The following ADAM12 variants were observed in gnomAD, a reference collection of about 807,000 sequenced individuals.
ADAM12 encodes disintegrin and metalloproteinase domain-containing protein 12.
Under a neutral mutation model 106.4 loss-of-function variants are expected in ADAM12, and 70 were observed. The ratio of observed to expected loss-of-function variants is 0.66; its 90% CI spans 0.54 to 0.80. The LOEUF (loss-of-function observed/expected upper bound fraction) is 0.80. Among genes scored for constraint, ADAM12 ranks in the 30% least tolerant of loss-of-function variants. The probability of loss-of-function intolerance (pLI) is 0.00; values close to 1 mark genes in which losing one functional copy is unlikely to be tolerated. For missense variants in ADAM12, 1,010 were observed against 1,171.9 expected (o/e 0.86, Z 2.02); for synonymous variants, 420 against 433.5 (o/e 0.97, Z 0.39).
chr10:126,149,681 G>A (rs56040796), intron 4 of ADAM12, among the ~76,000 whole-genome samples: 20,627 of 152,128 alleles, frequency 0.14, 1,482 homozygotes, highest in Middle Eastern at 0.22. Context: ...CCTTTCTCCC[G>A]TGCTGAATGT....
intron 1 of ADAM12, among the ~76,000 whole-genome samples, chr10:126,351,759 G>A (rs1855368055): frequency 6.6e-6 from 1 of 152,044 alleles, no homozygotes; most frequent in Admixed American, 6.5e-5. Flanking sequence ...GCCTTCAACT[G>A]TGCATTGCTC....
intron 1 of ADAM12, among the ~76,000 whole-genome samples, chr10:126,362,523 C>T (rs187361820): frequency 5.3e-5 from 8 of 151,864 alleles, no homozygotes; most frequent in Admixed American, 2.0e-4. Flanking sequence ...GCAATATTCA[C>T]GATAGTCAAG....
intron 11 of ADAM12, among the ~76,000 whole-genome samples, chr10:126,080,299 A>T (rs1184527798): frequency 1.3e-5 from 2 of 152,202 alleles, no homozygotes; most frequent in African/African-American, 4.8e-5. Flanking sequence ...TTAAAAAGAC[A>T]AGCCTCAGTT....
At chr10:126,114,835 A>T (rs1955950664) in intron 6 of ADAM12, among the ~76,000 whole-genome samples, 1 of 152,200 alleles carries the variant, frequency 6.6e-6, no homozygotes, top group South Asian at 2.1e-4. Context: ...AGAGGCATGG[A>T]AGCAAGGATG....
chr10:126,055,344 A>G (rs1954606307), intron 14 of ADAM12, among the ~76,000 whole-genome samples: 1 of 152,112 alleles, frequency 6.6e-6, no homozygotes, highest in East Asian at 1.9e-4. Flanking sequence ...ATGCCACTCA[A>G]CCCTAGAACA....
intron 13 of ADAM12, among the ~76,000 whole-genome samples, chr10:126,065,857 G>A (rs894098957): frequency 7.9e-5 from 12 of 152,066 alleles, no homozygotes; most frequent in African/African-American, 2.9e-4. Flanking sequence ...CCCTTCCCCC[G>A]ACTCCCTTCC....
intron 1 of ADAM12, among the ~76,000 whole-genome samples, chr10:126,367,996 AAC>A (rs774521421): frequency 1.1e-4 from 17 of 152,090 alleles, no homozygotes; most frequent in Admixed American, 1.3e-4. Context: ...CTCTTATAAA[AAC>A]AGACATAAAA....
chr10:126,147,705 C>T (rs1226652477), intron 4 of ADAM12, among the ~76,000 whole-genome samples: 1 of 152,218 alleles, frequency 6.6e-6, no homozygotes, highest in Non-Finnish European at 1.5e-5. Flanking sequence ...CAGATTAGGG[C>T]CCCGTGGCCT....
At chr10:126,226,916 C>T (rs1958207580) in intron 3 of ADAM12, among the ~76,000 whole-genome samples, 2 of 152,144 alleles carry the variant, frequency 1.3e-5, no homozygotes, top group African/African-American at 4.8e-5. Context: ...TATATACTGG[C>T]CAAGTGAACC....
At chr10:126,042,787 A>C (rs958838664) in intron 18 of ADAM12, among the ~76,000 whole-genome samples, 1 of 152,236 alleles carries the variant, frequency 6.6e-6, no homozygotes, top group African/African-American at 2.4e-5. Context: ...CTTAGTTAAG[A>C]AAAGTGTCGC....
chr10:126,331,673 G>A (rs140554992), intron 1 of ADAM12, among the ~76,000 whole-genome samples: 100 of 152,272 alleles, frequency 6.6e-4, no homozygotes, highest in African/African-American at 2.2e-3. Context: ...CTGAAAGTCC[G>A]AAATACAGCC....
At chr10:126,022,090 G>A (rs1024590176) in intron 21 of ADAM12, among the ~76,000 whole-genome samples, 3 of 152,152 alleles carry the variant, frequency 2.0e-5, no homozygotes, top group African/African-American at 7.2e-5. Context: ...TTGCAATGCT[G>A]GAGAAAAAGT....
At chr10:126,200,730 G>C (rs1957683173) in intron 3 of ADAM12, among the ~76,000 whole-genome samples, 1 of 152,192 alleles carries the variant, frequency 6.6e-6, no homozygotes, top group African/African-American at 2.4e-5. Flanking sequence ...AGCTCTAAAT[G>C]GTTCAGAATG....
At chr10:126,303,431 G>A (rs1960709581) in intron 2 of ADAM12, among the ~76,000 whole-genome samples, 1 of 152,186 alleles carries the variant, frequency 6.6e-6, no homozygotes, top group African/African-American at 2.4e-5. Flanking sequence ...CTATTAGAAA[G>A]AGTAATGTAA....
At chr10:126,323,441 G>A (rs770840021) in intron 2 of ADAM12, among the ~76,000 whole-genome samples, 1 of 152,116 alleles carries the variant, frequency 6.6e-6, no homozygotes, top group Admixed American at 6.5e-5. Context: ...TCAGCTAGAC[G>A]CAGCCTCCAA....
rs1021483327 is a variant in ADAM12, at chr10:126,043,298, G to A, written c.1996-150C>T. The A allele has an allele frequency of 3.9e-5, 28 of 710,356 alleles. No individual in the cohort carries two copies. The highest frequency in any genetic ancestry group is 5.8e-5 in the Non-Finnish European group (25 of 427,452). 44.0% of individuals were successfully genotyped at this position (710,356 alleles called of 1,614,324 possible). On this transcript the variant is annotated intron_variant, in intron 17 of 22. Coordinates refer to ENST00000448723, the MANE Select transcript of ADAM12 (RefSeq NM_001288973.2). This position sits in a 1 kb window ranked among gnomAD's most constrained non-coding sequence, Gnocchi z 4.1. ...CCATGGTGCGAATAAGCCCAAAGCC[G>A]GCACTACACACCACACAGGGGCGAC...
chr10:126,377,739 A>G (rs1398200699), intron 1 of ADAM12, among the ~76,000 whole-genome samples: 5 of 152,240 alleles, frequency 3.3e-5, no homozygotes, highest in African/African-American at 1.2e-4. Context: ...TAAATAGAAC[A>G]GTAGGACAAA....
chr10:126,195,133 A>G (rs1957573297), intron 3 of ADAM12, among the ~76,000 whole-genome samples: 1 of 152,178 alleles, frequency 6.6e-6, no homozygotes, highest in African/African-American at 2.4e-5. Flanking sequence ...GGGTCAAAGG[A>G]CACAAAATTT....
intron 3 of ADAM12, among the ~76,000 whole-genome samples, chr10:126,169,943 G>A (rs1316307279): frequency 6.6e-6 from 1 of 152,224 alleles, no homozygotes; most frequent in East Asian, 1.9e-4. Flanking sequence ...CTTCCGCCTA[G>A]CCCAAAGCAG....
Sources: gnomAD v4.1 joint callset for allele counts (sites outside exome capture counted in the v4.1 genomes callset) on GRCh38, gnomAD v4.1.1 for gene constraint, Gnocchi (gnomAD v3.1) non-coding constraint, MANE v1.5 for transcripts, NCBI Gene and HGNC (gene_info 2026-07-23, HGNC 2026-07-21) for gene names.